Variants in ERG observed in about 807,000 individuals in gnomAD.
ERG encodes the protein transcriptional regulator ERG.
ERG carries 9 observed loss-of-function variants against 55.3 expected under a neutral mutation model. That is an observed-to-expected ratio of 0.16 (90% CI 0.10 to 0.28). The LOEUF (loss-of-function observed/expected upper bound fraction) is 0.28, where lower values mean the gene tolerates loss of function less well. Ranked by LOEUF, ERG falls within the 10% of genes least tolerant of loss-of-function variation. The pLI, the probability that ERG is intolerant of heterozygous loss-of-function variation, is 1.00. For missense variants in ERG, 434 were observed against 631.6 expected, an observed-to-expected ratio of 0.69 and a Z score of 3.35; for synonymous variants, 223 against 237.3, an observed-to-expected ratio of 0.94 and a Z score of 0.55.
chr21:38,442,275 T>A (rs990973262), intron 2 of ERG, among the ~76,000 whole-genome samples: 1 of 152,070 alleles, frequency 6.6e-6, no homozygotes, highest in African/African-American at 2.4e-5. Context: ...ATGCCTGTAA[T>A]CCCAGCTACT....
intron 1 of ERG, among the ~76,000 whole-genome samples, chr21:38,622,012 A>G (rs2060293496): frequency 6.6e-6 from 1 of 152,224 alleles, no homozygotes; most frequent in African/African-American, 2.4e-5. Flanking sequence ...AGCCTGATCC[A>G]GGAGCCTGCA....
chr21:38,554,349 T>G (rs1181683082), intron 2 of ERG, among the ~76,000 whole-genome samples: 1 of 152,224 alleles, frequency 6.6e-6, no homozygotes, highest in Non-Finnish European at 1.5e-5. Context: ...GGAATATAAA[T>G]TGTTCTACTG....
chr21:38,536,235 T>C (rs978859006), intron 2 of ERG, among the ~76,000 whole-genome samples: 11 of 152,086 alleles, frequency 7.2e-5, no homozygotes, highest in African/African-American at 2.7e-4. Flanking sequence ...CTTAGGGGCT[T>C]TGGAAGCCCA....
Position 38,383,492 on chromosome 21 carries a change from G to A in ERG, c.1351C>T (p.Pro451Ser), listed in dbSNP as rs2146410951. The part of the protein sequence containing the change: ...TSSSFFAAPN[P>S]YWNSPTGGIY... ...CCCCCAGTTGGTGAATTCCAGTATG[G>A]GTTTGGGGCAGCAAAAAAACTGGAA... is the stretch of plus-strand genomic sequence containing the variant. The change falls in exon 10 of 10, where the codon CCA (proline) becomes TCA (serine). Residue 451 changes from proline to serine, a missense_variant. Coordinates refer to ENST00000288319, the MANE Select transcript of ERG (RefSeq NM_182918.4). The surrounding 1 kb of genome is among the most constrained non-coding windows in gnomAD (Gnocchi z 5.7). 1 of 1,554,268 alleles carries A rather than the reference G, an allele frequency of 6.4e-7. No individual in the cohort carries two copies. The highest frequency in any genetic ancestry group is 8.7e-7 in the Non-Finnish European group (1 of 1,146,982).
At chr21:38,525,649 T>C (rs969338555) in intron 2 of ERG, among the ~76,000 whole-genome samples, 6 of 152,244 alleles carry the variant, frequency 3.9e-5, no homozygotes, top group African/African-American at 1.4e-4. Context: ...TAAATGCTGT[T>C]ACGTGACTTC....
chr21:38,468,420 G>A (rs2059108976), intron 1 of ERG, among the ~76,000 whole-genome samples: 1 of 152,192 alleles, frequency 6.6e-6, no homozygotes, highest in South Asian at 2.1e-4. Context: ...AATTAAACTT[G>A]AAAGGAGCAA....
chr21:38,392,142 G>T (rs561658714), intron 7 of ERG, among the ~76,000 whole-genome samples: 8 of 152,332 alleles, frequency 5.3e-5, no homozygotes, highest in African/African-American at 1.4e-4. Context: ...ACATGCATTT[G>T]TGAAGGTTGA....
intron 2 of ERG, among the ~76,000 whole-genome samples, chr21:38,426,118 T>C (rs1989814131): frequency 6.6e-6 from 1 of 152,232 alleles, no homozygotes; most frequent in South Asian, 2.1e-4. Flanking sequence ...CCCTGCCTGA[T>C]GGCATCCTCA....
chr21:38,438,507 C>T (rs2058811374), intron 2 of ERG, among the ~76,000 whole-genome samples: 2 of 152,328 alleles, frequency 1.3e-5, no homozygotes, highest in Admixed American at 1.3e-4. Context: ...TTCTCATCTC[C>T]ATCACATGAC....
chr21:38,415,735 T>G (rs559119492), intron 3 of ERG, among the ~76,000 whole-genome samples: 1 of 152,070 alleles, frequency 6.6e-6, no homozygotes, highest in Admixed American at 6.5e-5. Context: ...AGTCTTGGTT[T>G]TCTCATGTTT....
rs77329202 is a variant in ERG at position 38,591,895 on chromosome 21, C to T, written c.-149-6950G>A. On this transcript the variant is annotated intron_variant, in intron 1 of 10. Transcript: ENST00000398910. Reference sequence around the variant, plus strand: ...ATGAAAAGAAGGTTTATCTTATTTGCTCAGTCTGTTTGAAGGATGAGAAAA... The same window carrying T: ...ATGAAAAGAAGGTTTATCTTATTTGTTCAGTCTGTTTGAAGGATGAGAAAA... Among the ~76,000 whole-genome samples the T allele has an allele frequency of 2.8e-4, 42 of 152,306 alleles. No individual in the cohort carries two copies. In the East Asian group the frequency reaches 6.0e-3, roughly 22 times the overall value.
At chr21:38,369,106 T>G in the ERG span, among the ~76,000 whole-genome samples, 1 of 152,178 alleles carries the variant, frequency 6.6e-6, no homozygotes, top group Non-Finnish European at 1.5e-5. Flanking sequence ...TAATAGAATG[T>G]TTTATACTCC....
At chr21:38,402,911 C>A (rs1988575446) in intron 4 of ERG, among the ~76,000 whole-genome samples, 1 of 152,076 alleles carries the variant, frequency 6.6e-6, no homozygotes, top group Non-Finnish European at 1.5e-5. Flanking sequence ...AGAATTTATC[C>A]ACCTCACTGT....
rs768900377 is a variant in ERG, at chr21:38,445,422, C to A, written c.218G>T (p.Ser73Ile). The change falls in exon 2 of 10, where the codon AGC becomes ATC. Residue 73 changes from serine to isoleucine, a missense_variant. Physicochemically the swap from Ser to Ile is moderately radical, Grantham distance 142. Coordinates refer to ENST00000288319, the MANE Select transcript of ERG (RefSeq NM_182918.4). ...RVTIKMECNP[S>I]QVNGSRNSPD... ...TCCTTACCTTGAGCCATTCACCTGG[C>A]TAGGGTTACATTCCATTTTGATGGT... 12 of 1,613,922 alleles carry A rather than the reference C, an allele frequency of 7.4e-6. No individual in the cohort carries two copies. The African/African-American group carries it at 1.6e-4, about 22-fold the overall frequency.
chr21:38,575,173 A>G (rs1037091969), intron 2 of ERG, among the ~76,000 whole-genome samples: 3 of 152,218 alleles, frequency 2.0e-5, no homozygotes, highest in African/African-American at 7.2e-5. Flanking sequence ...ACGTTCCAAC[A>G]TCGGAAATCC....
chr21:38,445,034 C>G (rs1159535388), intron 2 of ERG, among the ~76,000 whole-genome samples: 1 of 152,070 alleles, frequency 6.6e-6, no homozygotes, highest in Non-Finnish European at 1.5e-5. Flanking sequence ...AAATATACTA[C>G]TAATTTTACA....
At chr21:38,622,931 C>CCACA (rs1158610576) in intron 1 of ERG, among the ~76,000 whole-genome samples, 1,533 of 122,796 alleles carry the variant, frequency 0.012, 12 homozygotes, top group Admixed American at 0.017. Context: ...CCATACCACA[C>CCACA]CACACACACA....
intron 1 of ERG, among the ~76,000 whole-genome samples, chr21:38,653,223 T>G (rs1382733485): frequency 6.6e-6 from 1 of 152,220 alleles, no homozygotes; most frequent in Non-Finnish European, 1.5e-5. Flanking sequence ...GCAAGTCTTC[T>G]GCATAGTGTC....
In ERG at chr21:38,413,183, C is replaced by G. The variant is rs141643045; in HGVS notation, c.389-9474G>C. On this transcript the variant is annotated intron_variant, in intron 3 of 9. Transcript: ENST00000288319. ...CAACATAAGAATGTGCTGCTCTGCT[C>G]TATTCTCACTTTTTTCCTTATTTTA... is the stretch of plus-strand genomic sequence containing the variant. Among the ~76,000 whole-genome samples the G allele has an allele frequency of 3.3e-5, 5 of 152,280 alleles. No homozygotes were observed. The South Asian group carries it at 8.3e-4, about 25-fold the overall frequency.
Sources: gnomAD v4.1 joint callset for allele counts (sites outside exome capture counted in the v4.1 genomes callset) on GRCh38, gnomAD v4.1.1 for gene constraint, Gnocchi (gnomAD v3.1) non-coding constraint, MANE v1.5 for transcripts, NCBI Gene and HGNC (gene_info 2026-07-23, HGNC 2026-07-21) for gene names.